CYP4B1: variants seen among roughly 807,000 people sequenced by gnomAD.
CYP4B1 encodes the protein cytochrome P450 4B1.
In CYP4B1, 45 loss-of-function variants were observed where a neutral mutation model predicts 54.0. The ratio of observed to expected loss-of-function variants is 0.83; its 90% CI spans 0.66 to 1.07. The LOEUF (loss-of-function observed/expected upper bound fraction) is 1.07. Among genes scored for constraint, CYP4B1 ranks in the 50% least tolerant of loss-of-function variants. CYP4B1 has a pLI of 0.00. For synonymous variants in CYP4B1, 248 were observed against 247.5 expected, an observed-to-expected ratio of 1.00 and a Z score of -0.02; for missense variants, 656 against 655.4, an observed-to-expected ratio of 1.00 and a Z score of -0.01.
At chr1:46,800,212 T>TCTCCTTCCTTCC (rs1365086149) in intron 1 of CYP4B1, among the ~76,000 whole-genome samples, 1 of 31,986 alleles carries the variant, frequency 3.1e-5, no homozygotes, top group Non-Finnish European at 1.3e-4. Flanking sequence ...TCTTTCTTTC[T>TCTCCTTCCTTCC]TTCTCTTTCT....
At chr1:46,803,519 A>G (rs951982399) in intron 1 of CYP4B1, among the ~76,000 whole-genome samples, 1 of 152,198 alleles carries the variant, frequency 6.6e-6, no homozygotes, top group African/African-American at 2.4e-5. Context: ...AAAGTCATCA[A>G]AGGAGAGCCA....
In CYP4B1 at chr1:46,817,388, G is replaced by A; in HGVS notation, c.1207+207G>A. The A allele has an allele frequency of 1.5e-5, 9 of 611,672 alleles. No homozygotes were observed. The South Asian group carries it at 1.6e-4, about 11-fold the overall frequency. The allele number at this position is 611,672 out of a possible 1,614,324, so 37.9% of individuals were successfully genotyped here. A position where few individuals can be genotyped will look rare whatever the true frequency, so the allele number is the denominator to read the frequency against. ...TTCCCCTTCTGTAAAATGGGGATGA[G>A]AAGAGTATCTATGTTTCTAGGCTGC... On this transcript the variant is annotated intron_variant, in intron 9 of 11. Transcript: ENST00000371923.
At chr1:46,815,556 C>T in intron 8 of CYP4B1, 2 of 274,508 alleles carry the variant, frequency 7.3e-6, no homozygotes, top group Non-Finnish European at 1.4e-5. Context: ...AACCTGATTA[C>T]CCTTCTGGGT....
chr1:46,813,314 C>T (rs1679186367), intron 4 of CYP4B1, among the ~76,000 whole-genome samples, 168 bp from the exon 5 acceptor site: 2 of 152,172 alleles, frequency 1.3e-5, no homozygotes, highest in African/African-American at 2.4e-5. Context: ...TCTACCCACC[C>T]TATCCTGATA....
intron 1 of CYP4B1, among the ~76,000 whole-genome samples, chr1:46,805,893 A>G (rs190244660): frequency 6.6e-6 from 1 of 152,218 alleles, no homozygotes; most frequent in Non-Finnish European, 1.5e-5. Flanking sequence ...AGCTGAGACT[A>G]GGGCACCAAA....
intron 1 of CYP4B1, among the ~76,000 whole-genome samples, chr1:46,800,243 TTCCTTCCTTCCTTCC>T (rs1678584969): frequency 8.2e-4 from 13 of 15,822 alleles, no homozygotes; most frequent in African/African-American, 1.5e-3. Context: ...CTTTCTTTCC[TTCCTTCCTTCCTTCC>T]TTCCTTCCTT....
Position 46,811,180 on chromosome 1 carries a change from G to C in CYP4B1, c.363G>C (p.Trp121Cys). The C allele has an allele frequency of 5.0e-6, 8 of 1,614,098 alleles. No individual in the cohort carries two copies. The highest frequency in any genetic ancestry group is 6.8e-6 in the Non-Finnish European group (8 of 1,180,014). ...ATGTGTATGACTTCTTCCTCCAGTG[G>C]ATTGGTGAGTGAGCACCTGCCTTCC... The part of the protein sequence containing the change: ...APDVYDFFLQ[W>C]IGRGLLVLEG... Residue 121 changes from tryptophan (W) to cysteine (C), a missense_variant, in exon 3 of 12, where the codon TGG (tryptophan) becomes TGC (cysteine). Transcript: ENST00000371923.
rs1364603842 is a variant in CYP4B1, at chr1:46,815,261, A to T, written c.1070A>T (p.Gln357Leu). 1 of 1,559,168 alleles carries T rather than the reference A, an allele frequency of 6.4e-7. No individual in the cohort carries two copies. Among genetic ancestry groups the T allele is most frequent in the East Asian group, 2.3e-5 (1 of 43,964 alleles). The change falls in exon 8 of 12, where the codon CAG becomes CTG. Residue 357 changes from glutamine to leucine, a missense_variant. Physicochemically the swap from Gln to Leu is moderately radical, Grantham distance 113. Coordinates refer to ENST00000371923, the MANE Select transcript of CYP4B1 (RefSeq NM_001099772.2). ...REILGDQDFF[Q>L]WDDLGKMTYL... ...ATCCTAGGGGACCAGGACTTCTTCC[A>T]GTGGTGAGTCTGAGGGTGGGCCCGG...
chr1:46,814,039 T>C lies in CYP4B1; in HGVS notation c.751T>C (p.Cys251Arg), dbSNP rs771803989. 3 of 1,614,140 alleles carry C rather than the reference T, an allele frequency of 1.9e-6. No homozygotes were observed. ...ACATGGCCGCCGCTTCCTGCGGGCC[T>C]GCCAGGTGGCCCATGACCATACAGG... ...TPHGRRFLRA[C>R]QVAHDHTDQV... Residue 251 changes from cysteine to arginine, a missense_variant, in exon 6 of 12, where the codon TGC (cysteine) becomes CGC (arginine). Physicochemically the swap from Cys to Arg is radical, Grantham distance 180 (BLOSUM62 -3). Transcript: ENST00000371923.
At chr1:46,817,324 A>G (rs1679377305) in intron 9 of CYP4B1, 143 bp downstream of exon 9, 2 of 900,436 alleles carry the variant, frequency 2.2e-6, no homozygotes, top group South Asian at 3.5e-5. Flanking sequence ...TCCCAGCCCC[A>G]CAACATATTG....
At position 46,815,361 on chromosome 1, in the gene CYP4B1, G is replaced by A. The variant is rs1054716409; in HGVS notation, c.1073+97G>A. ...CATCCTGGAAATCAGGTGAGGTGGC[G>A]GCTGCTATCCTGTTACCCCCAGTGT... is the stretch of plus-strand genomic sequence containing the variant. On this transcript the variant is annotated intron_variant, in intron 8 of 11. Transcript: ENST00000371923. The A allele has an allele frequency of 2.0e-5, 24 of 1,187,450 alleles. 1 individual carries two copies. The South Asian group carries it at 3.1e-4, about 15-fold the overall frequency. The allele number at this position is 1,187,450 out of a possible 1,614,324, so 73.6% of individuals were successfully genotyped here. A position where few individuals can be genotyped will look rare whatever the true frequency, so the allele number is the denominator to read the frequency against.
chr1:46,799,661 A>G (rs941511485), intron 1 of CYP4B1, among the ~76,000 whole-genome samples: 2 of 152,206 alleles, frequency 1.3e-5, no homozygotes, highest in Admixed American at 1.3e-4. Flanking sequence ...GTGTAGTGTA[A>G]AGATTTCCAT....
chr1:46,812,648 G>A (rs1679159744), intron 4 of CYP4B1, 25 bp downstream of exon 4: 2 of 1,607,784 alleles, frequency 1.2e-6, no homozygotes, highest in South Asian at 1.1e-5. Flanking sequence ...CCAGAGTACT[G>A]GAGGCTGTTG....
chr1:46,811,145 A>C lies in CYP4B1; in HGVS notation c.328A>C (p.Lys110Gln), dbSNP rs766488561. 5.6e-6 allele frequency: 9 copies of C among 1,614,084 alleles called. No individual in the cohort carries two copies. The highest frequency in any genetic ancestry group is 1.1e-5 in the South Asian group (1 of 91,070). ...AKAVYSRGDP[K>Q]APDVYDFFLQ... ...CTGATTGTCTCCTCCTGCAGACCCT[A>C]AGGCCCCTGATGTGTATGACTTCTT... Residue 110 changes from lysine to glutamine, a missense_variant, in exon 3 of 12, where the codon AAG (lysine) becomes CAG (glutamine). Coordinates refer to ENST00000371923, the MANE Select transcript of CYP4B1 (RefSeq NM_001099772.2).
rs777880279 is a variant in CYP4B1 at position 46,815,213 on chromosome 1, G to A, written c.1022G>A (p.Arg341His). ...CMALYPEHQH[R>H]CREEVREILG... ...GCCCTGTACCCTGAGCACCAGCATC[G>A]TTGTAGAGAGGAGGTCCGCGAGATC... Residue 341 changes from arginine (R) to histidine (H), a missense_variant, in exon 8 of 12, where the codon CGT becomes CAT. By Grantham distance (29) the Arg-to-His change is conservative. Transcript: ENST00000371923. The A allele has an allele frequency of 2.2e-5, 35 of 1,600,372 alleles. No homozygotes were observed. Among genetic ancestry groups the A allele is most frequent in the East Asian group, 4.5e-5 (2 of 44,456 alleles).
intron 11 of CYP4B1, 56 bp from the exon 12 acceptor site, chr1:46,818,575 A>AAG: frequency 6.5e-7 from 1 of 1,546,752 alleles, no homozygotes; most frequent in Non-Finnish European, 8.9e-7. Context: ...AGAGCACTGA[A>AAG]TGTCATCACT....
intron 7 of CYP4B1, 91 bp from the exon 8 acceptor site, chr1:46,814,983 G>C: frequency 1.7e-6 from 2 of 1,175,772 alleles, no homozygotes; most frequent in Non-Finnish European, 1.2e-6. Flanking sequence ...CTCCCTCCCA[G>C]AGACCTTCAT....
chr1:46,809,133 A>AAAAC (rs58117092), intron 1 of CYP4B1, among the ~76,000 whole-genome samples: 66,681 of 150,858 alleles, frequency 0.44, 16,042 homozygotes, highest in African/African-American at 0.64. Flanking sequence ...AAAAACCCAA[A>AAAAC]AAACAAACAA....
intron 4 of CYP4B1, 106 bp downstream of exon 4, chr1:46,812,729 A>G: frequency 7.6e-7 from 1 of 1,320,126 alleles, no homozygotes; most frequent in Non-Finnish European, 1.1e-6. Flanking sequence ...CAGTAAGGAG[A>G]ATAGCTGAGC....
Sources: allele counts gnomAD v4.1 joint callset (sites outside exome capture counted in the v4.1 genomes callset), GRCh38; gene constraint gnomAD v4.1.1; transcripts MANE v1.5; gene names NCBI Gene and HGNC (gene_info 2026-07-23, HGNC 2026-07-21).